The following CTIF variants were observed in gnomAD, a reference collection of about 807,000 sequenced individuals.
CTIF encodes the protein CBP80/20-dependent translation initiation factor.
In CTIF, 21 loss-of-function variants were observed where a neutral mutation model predicts 66.0. That is an observed-to-expected ratio of 0.32 (90% CI 0.23 to 0.46). CTIF has a LOEUF of 0.46. CTIF is among the 20% of genes least tolerant of loss of function. The pLI is 1.00. For synonymous variants in CTIF, 345 were observed against 326.4 expected (o/e 1.06, Z -0.62); for missense variants, 739 against 812.7 (o/e 0.91, Z 1.10).
intron 6 of CTIF, among the ~76,000 whole-genome samples, chr18:48,688,635 G>A (rs2091880895): frequency 6.6e-6 from 1 of 152,242 alleles, no homozygotes; most frequent in African/African-American, 2.4e-5. Context: ...CTGGGCCAGA[G>A]GCCACACAGC....
chr18:48,779,829 C>T (rs1313487160), intron 9 of CTIF, among the ~76,000 whole-genome samples: 2 of 152,186 alleles, frequency 1.3e-5, no homozygotes, highest in African/African-American at 4.8e-5. Context: ...CTTCATGATT[C>T]GTGAATGCAA....
chr18:48,615,369 T>G (rs561762842), intron 1 of CTIF, among the ~76,000 whole-genome samples: 2 of 152,360 alleles, frequency 1.3e-5, no homozygotes, highest in South Asian at 2.1e-4. Context: ...GGGGCTTTTC[T>G]GCTTTGCATG....
chr18:48,822,748 C>T (rs111383380), intron 10 of CTIF, among the ~76,000 whole-genome samples: 176 of 152,296 alleles, frequency 1.2e-3, no homozygotes, highest in African/African-American at 4.2e-3. Flanking sequence ...TTGTTTTCCA[C>T]AGCAGATGCA....
At chr18:48,660,988 T>C (rs780662866) in intron 3 of CTIF, among the ~76,000 whole-genome samples, 4 of 152,240 alleles carry the variant, frequency 2.6e-5, no homozygotes, top group Non-Finnish European at 5.9e-5. Context: ...CTTGACATCC[T>C]AATCTTGATT....
At position 48,861,955 on chromosome 18, in the gene CTIF, G is replaced by A. The variant is rs1301170290; in HGVS notation, c.*2396G>A. ...GCCTAGTTTATTCCACTGCTTGAAAGCGCTTCCTAGCCAATCTGAACAACA... is the reference window on the plus strand; with the variant it reads ...GCCTAGTTTATTCCACTGCTTGAAAACGCTTCCTAGCCAATCTGAACAACA... On this transcript the variant is annotated 3_prime_UTR_variant, in exon 12 of 12. Coordinates refer to ENST00000256413, the MANE Select transcript of CTIF (RefSeq NM_014772.3). 1 of 152,070 alleles carries A rather than the reference G, an allele frequency of 6.6e-6. No individual in the cohort carries two copies. The highest frequency in any genetic ancestry group is 1.9e-4 in the East Asian group (1 of 5,198). The allele number at this position is 152,070 out of a possible 1,614,324, so 9.4% of individuals were successfully genotyped here.
At chr18:48,842,599 G>A (rs1295753129) in intron 10 of CTIF, among the ~76,000 whole-genome samples, 1 of 152,156 alleles carries the variant, frequency 6.6e-6, no homozygotes, top group East Asian at 1.9e-4. Flanking sequence ...CTTTCCAGAG[G>A]CCAGGGCTGG....
chr18:48,780,173 G>T (rs537748517), intron 9 of CTIF, among the ~76,000 whole-genome samples: 1 of 152,172 alleles, frequency 6.6e-6, no homozygotes, highest in East Asian at 1.9e-4. Context: ...GGGAGAGGGA[G>T]AGAGGAAAAA....
rs1260683295 is a variant in CTIF, at chr18:48,681,453, C to T, written c.507+10709C>T. ...ACTCTTTCCCTCCTTTCCCCATTGA[C>T]TCGTAGCCTGCCAGGGCTGGAAAAG... is the stretch of plus-strand genomic sequence containing the variant. On this transcript the variant is annotated intron_variant, in intron 6 of 11. Coordinates refer to ENST00000256413, the MANE Select transcript of CTIF (RefSeq NM_014772.3). 2.0e-5 allele frequency among the ~76,000 whole-genome samples: 3 copies of T among 152,342 alleles called. 1 individual carries two copies. In the South Asian group the frequency reaches 6.2e-4, roughly 32 times the overall value.
At position 48,602,081 on chromosome 18, in the gene CTIF, C is replaced by T. The variant is rs560998946; in HGVS notation, c.-28-17457C>T. Among the ~76,000 whole-genome samples the T allele has an allele frequency of 9.8e-5, 15 of 152,352 alleles. No homozygotes were observed. The East Asian group carries it at 1.7e-3, about 18-fold the overall frequency. On this transcript the variant is annotated intron_variant, in intron 1 of 11. Coordinates refer to ENST00000256413, the MANE Select transcript of CTIF (RefSeq NM_014772.3). ...TGCCAGATGACAGGCAGGACATAGT[C>T]GTCATGGCCTGAGCCTGTGTGAACA...
At chr18:48,816,692 GCC>G (rs1407691440) in intron 9 of CTIF, among the ~76,000 whole-genome samples, 8 of 152,212 alleles carry the variant, frequency 5.3e-5, no homozygotes, top group African/African-American at 1.9e-4. Flanking sequence ...GAATGCCTAG[GCC>G]CCTCGAGGGA....
At chr18:48,589,683 G>C (rs2089847582) in intron 1 of CTIF, among the ~76,000 whole-genome samples, 1 of 152,164 alleles carries the variant, frequency 6.6e-6, no homozygotes, top group South Asian at 2.1e-4. Flanking sequence ...GCTGGCCTTT[G>C]AGGTTGAAAG....
chr18:48,673,873 G>A lies in CTIF; in HGVS notation c.507+3129G>A, dbSNP rs191625112. Among the ~76,000 whole-genome samples, 20 of 152,262 alleles carry A rather than the reference G, an allele frequency of 1.3e-4. No individual in the cohort carries two copies. The East Asian group carries it at 3.7e-3, about 28-fold the overall frequency. ...ATGTGTGGCCCAAGACAGTTGTTTC[G>A]GTGTGGCCCAGGGAAGCCAAAAGAT... On this transcript the variant is annotated intron_variant, in intron 6 of 11. Transcript: ENST00000256413.
At chr18:48,711,962 G>A (rs1348903977) in intron 7 of CTIF, among the ~76,000 whole-genome samples, 1 of 152,186 alleles carries the variant, frequency 6.6e-6, no homozygotes, top group Non-Finnish European at 1.5e-5. Context: ...TGGGGGTCAG[G>A]CAGTGACCAG....
At chr18:48,674,369 G>A (rs1474423962) in intron 6 of CTIF, among the ~76,000 whole-genome samples, 1 of 152,228 alleles carries the variant, frequency 6.6e-6, no homozygotes, top group East Asian at 1.9e-4. Context: ...GCAGTCTGGG[G>A]CGTGAATGTG....
chr18:48,624,148 G>A (rs1460410452), intron 2 of CTIF, among the ~76,000 whole-genome samples: 3 of 104,314 alleles, frequency 2.9e-5, no homozygotes, highest in Non-Finnish European at 5.7e-5. Flanking sequence ...CCCTCCCCAT[G>A]CTTGACACCA....
intron 1 of CTIF, among the ~76,000 whole-genome samples, chr18:48,562,238 C>T (rs909561294): frequency 2.6e-5 from 4 of 152,198 alleles, no homozygotes; most frequent in Admixed American, 2.0e-4. Flanking sequence ...CTTATGAAAA[C>T]ATTATGAGAT....
At chr18:48,625,214 C>A (rs2090572532) in intron 2 of CTIF, 1 of 984,938 alleles carries the variant, frequency 1.0e-6, no homozygotes, top group African/African-American at 1.7e-5. Flanking sequence ...GGTGGACCAC[C>A]CATGAAAGGC....
chr18:48,613,661 G>A (rs893422005), intron 1 of CTIF, among the ~76,000 whole-genome samples: 5 of 152,198 alleles, frequency 3.3e-5, no homozygotes, highest in African/African-American at 4.8e-5. Context: ...GCTGGCGGCC[G>A]AGTCTGGATG....
chr18:48,713,477 G>A lies in CTIF; in HGVS notation c.584+1782G>A, dbSNP rs1555678576. Among the ~76,000 whole-genome samples the A allele has an allele frequency of 2.6e-5, 4 of 152,300 alleles. 1 individual carries two copies. In the South Asian group the frequency reaches 6.2e-4, roughly 24 times the overall value. On this transcript the variant is annotated intron_variant, in intron 7 of 11. Coordinates refer to ENST00000256413, the MANE Select transcript of CTIF (RefSeq NM_014772.3). ...AGCAGCAGCGTGACCCAGGGATGTA[G>A]GAAGAGGAGCGCGGCATGCAACGGC...
Sources: allele counts gnomAD v4.1 joint callset (sites outside exome capture counted in the v4.1 genomes callset), GRCh38; gene constraint gnomAD v4.1.1; transcripts MANE v1.5; gene names NCBI Gene and HGNC (gene_info 2026-07-23, HGNC 2026-07-21).